ANKFN1: variants seen among roughly 807,000 people sequenced by gnomAD.
ANKFN1 encodes ankyrin repeat and fibronectin type-III domain-containing protein 1.
A neutral mutation model predicts 108.7 loss-of-function variants in ANKFN1; 74 were observed. The ratio of observed to expected loss-of-function variants is 0.68; its 90% CI spans 0.56 to 0.83. The LOEUF (loss-of-function observed/expected upper bound fraction) is 0.83, where lower values mean the gene tolerates loss of function less well. ANKFN1 is among the 40% of genes least tolerant of loss of function. The pLI is 0.00. For synonymous variants in ANKFN1, 547 were observed against 516.2 expected (o/e 1.06, Z -0.81); for missense variants, 1,505 against 1,382.3 (o/e 1.09, Z -1.41).
intron 4 of ANKFN1, among the ~76,000 whole-genome samples, chr17:56,105,889 G>C (rs1409817049): frequency 6.6e-6 from 1 of 151,980 alleles, no homozygotes; most frequent in African/African-American, 2.4e-5. Context: ...AGAGGATAGT[G>C]GTGGTGTTAC....
chr17:56,421,414 G>A (rs2048401763), intron 8 of ANKFN1, among the ~76,000 whole-genome samples: 1 of 152,134 alleles, frequency 6.6e-6, no homozygotes, highest in Non-Finnish European at 1.5e-5. Context: ...TAACTACCTT[G>A]CCATCTTCCT....
chr17:56,262,296 G>A (rs899995221), intron 3 of ANKFN1, among the ~76,000 whole-genome samples: 4 of 152,192 alleles, frequency 2.6e-5, no homozygotes, highest in Non-Finnish European at 5.9e-5. Context: ...TCTGAAGCCA[G>A]TTGGCCTGTT....
chr17:56,361,510 T>C (rs1015557556), intron 6 of ANKFN1, among the ~76,000 whole-genome samples: 7 of 152,188 alleles, frequency 4.6e-5, no homozygotes, highest in African/African-American at 1.7e-4. Flanking sequence ...CTTTGGTAGC[T>C]GTGGGAAAAT....
At chr17:56,222,926 G>A (rs1374315042) in intron 2 of ANKFN1, among the ~76,000 whole-genome samples, 1 of 152,144 alleles carries the variant, frequency 6.6e-6, no homozygotes, top group Non-Finnish European at 1.5e-5. Context: ...GTCATTACAA[G>A]CCCACTGTAA....
chr17:56,125,382 G>A (rs993144340), intron 4 of ANKFN1, among the ~76,000 whole-genome samples: 9 of 152,270 alleles, frequency 5.9e-5, no homozygotes, highest in Admixed American at 5.9e-4. Context: ...AAACCAAAGA[G>A]GTGGAAGAAC....
rs770485071 is a variant in ANKFN1, at chr17:56,457,859, G to A, written c.1441-4G>A. On this transcript the variant is annotated splice_polypyrimidine_tract_variant and splice_region_variant and intron_variant, in intron 13 of 20. Coordinates refer to ENST00000682825, the MANE Select transcript of ANKFN1 (RefSeq NM_001370326.1). ...ATGACATGATTGCATGCCTTCTTTT[G>A]CAGCTGTCTTGTATGTGGGAAGATA... is the stretch of plus-strand genomic sequence containing the variant. 11 of 1,608,026 alleles carry A rather than the reference G, an allele frequency of 6.8e-6. No homozygotes were observed. The highest frequency in any genetic ancestry group is 1.7e-5 in the Admixed American group (1 of 59,958).
intron 3 of ANKFN1, among the ~76,000 whole-genome samples, chr17:56,291,443 C>T (rs2044361395): frequency 6.6e-6 from 1 of 152,172 alleles, no homozygotes. Context: ...ATGTGCTACC[C>T]TACTGCACAG....
At chr17:56,269,188 T>C (rs759581490) in intron 3 of ANKFN1, among the ~76,000 whole-genome samples, 10 of 152,192 alleles carry the variant, frequency 6.6e-5, no homozygotes, top group Non-Finnish European at 1.2e-4. Flanking sequence ...CCAGAAGCCA[T>C]GCTGACTTTG....
At chr17:56,309,356 C>A (rs1024526695) in intron 3 of ANKFN1, among the ~76,000 whole-genome samples, 1 of 151,902 alleles carries the variant, frequency 6.6e-6, no homozygotes, top group African/African-American at 2.4e-5. Context: ...TATTATAGTC[C>A]CTTATTATCC....
chr17:56,416,993 G>A (rs1431103851), intron 8 of ANKFN1, among the ~76,000 whole-genome samples: 1 of 151,934 alleles, frequency 6.6e-6, no homozygotes, highest in Non-Finnish European at 1.5e-5. Flanking sequence ...CTTATTTGTG[G>A]GAGCTACAAA....
chr17:56,262,199 C>T (rs1484690812), intron 3 of ANKFN1, among the ~76,000 whole-genome samples: 2 of 152,282 alleles, frequency 1.3e-5, no homozygotes, highest in Admixed American at 6.5e-5. Flanking sequence ...GGCTCTACGA[C>T]CCTCTCCCCA....
chr17:56,219,655 A>G (rs4464136), intron 2 of ANKFN1, among the ~76,000 whole-genome samples: 48,103 of 152,160 alleles, frequency 0.32, 9,019 homozygotes, highest in East Asian at 0.51. Flanking sequence ...TAGTGTCTCT[A>G]TCCTGAAGAT....
At chr17:56,149,105 T>A (rs1908440613), upstream of ANKFN1, among the ~76,000 whole-genome samples, 1 of 152,132 alleles carries the variant, frequency 6.6e-6, no homozygotes, top group Admixed American at 6.6e-5. Context: ...GGTAACTGGA[T>A]AGGCTGTACA....
intron 8 of ANKFN1, among the ~76,000 whole-genome samples, chr17:56,403,899 A>G (rs1372272001): frequency 6.6e-6 from 1 of 152,042 alleles, no homozygotes; most frequent in Non-Finnish European, 1.5e-5. Context: ...TCTGAAAAAG[A>G]CTGTATCTTT....
chr17:56,374,811 G>C, intron 8 of ANKFN1, 97 bp downstream of exon 8: 1 of 966,716 alleles, frequency 1.0e-6, no homozygotes, highest in Non-Finnish European at 1.6e-6. Context: ...TTTTCCTACT[G>C]ATAGGAATGT....
intron 18 of ANKFN1, among the ~76,000 whole-genome samples, chr17:56,488,907 C>T (rs2050940364): frequency 6.6e-6 from 1 of 152,212 alleles, no homozygotes; most frequent in African/African-American, 2.4e-5. Flanking sequence ...AAAGGTGTGG[C>T]AGAAGGACAA....
At chr17:56,502,627 C>T (rs1046700337) in intron 20 of ANKFN1, among the ~76,000 whole-genome samples, 1 of 152,206 alleles carries the variant, frequency 6.6e-6, no homozygotes, top group Non-Finnish European at 1.5e-5. Flanking sequence ...CATTCTCTGT[C>T]CTTCCCACAA....
chr17:56,457,478 C>T (rs1400046287), intron 13 of ANKFN1, 89 bp downstream of exon 13: 6 of 1,362,588 alleles, frequency 4.4e-6, no homozygotes, highest in East Asian at 2.4e-5. Context: ...GGGTCTCCAG[C>T]GATCAGAGTT....
chr17:56,258,924 GTAAATAAATAAA>G (rs566587017), intron 3 of ANKFN1, among the ~76,000 whole-genome samples: 2 of 151,846 alleles, frequency 1.3e-5, no homozygotes, highest in East Asian at 3.9e-4. Flanking sequence ...AAATAAATAA[GTAAATAAATAAA>G]TAAATAAATA....
Sources: gnomAD v4.1 joint callset for allele counts (sites outside exome capture counted in the v4.1 genomes callset) on GRCh38, gnomAD v4.1.1 for gene constraint, MANE v1.5 for transcripts, NCBI Gene and HGNC (gene_info 2026-07-23, HGNC 2026-07-21) for gene names.